The following CEP162 variants were observed in gnomAD, a reference collection of about 807,000 sequenced individuals.
CEP162 encodes the protein centrosomal protein of 162 kDa.
CEP162 carries 141 observed loss-of-function variants against 169.2 expected under a neutral mutation model. The ratio of observed to expected loss-of-function variants is 0.83; its 90% CI spans 0.73 to 0.96. The LOEUF (loss-of-function observed/expected upper bound fraction) is 0.96. Ranked by LOEUF, CEP162 falls within the 40% of genes least tolerant of loss-of-function variation. CEP162 has a pLI of 0.00. For missense variants in CEP162, 1,600 were observed against 1,587.2 expected (o/e 1.01, Z -0.14); for synonymous variants, 540 against 526.4 (o/e 1.03, Z -0.35).
At chr6:84,132,054 C>T (rs2099511768) in intron 25 of CEP162, among the ~76,000 whole-genome samples, 1 of 152,160 alleles carries the variant, frequency 6.6e-6, no homozygotes, top group South Asian at 2.1e-4. Flanking sequence ...CAAAATCTCT[C>T]AGCACTTGCT....
Position 84,169,317 on chromosome 6 carries a change from A to G in CEP162, c.2385+11T>C. The stretch of plus-strand genomic sequence containing the variant: ...ATTATCCCTAATAGTCAAAATCGTT[A>G]TGCAACTTACCTGTGCCATCCGTAG... On this transcript the variant is annotated intron_variant, in intron 18 of 26. Transcript: ENST00000403245. The G allele has an allele frequency of 6.8e-7, 1 of 1,465,546 alleles. No individual in the cohort carries two copies. The highest frequency in any genetic ancestry group is 9.3e-7 in the Non-Finnish European group (1 of 1,080,938). The allele number at this position is 1,465,546 out of a possible 1,614,324, so 90.8% of individuals were successfully genotyped here. A position where few individuals can be genotyped will look rare whatever the true frequency, so the allele number is the denominator to read the frequency against.
At chr6:84,187,490 A>G (rs2099537697) in intron 11 of CEP162, among the ~76,000 whole-genome samples, 1 of 152,214 alleles carries the variant, frequency 6.6e-6, no homozygotes, top group African/African-American at 2.4e-5. Flanking sequence ...TAGCAGCAGA[A>G]CCTGGCTAGA....
At chr6:84,151,057 T>C (rs959869657) in intron 23 of CEP162, among the ~76,000 whole-genome samples, 24 of 152,200 alleles carry the variant, frequency 1.6e-4, no homozygotes, top group African/African-American at 5.8e-4. Flanking sequence ...CGAAATGTTT[T>C]GTGAAGGTAG....
chr6:84,185,305 A>G lies in CEP162; in HGVS notation c.1545T>C (p.Tyr515=). 6.2e-7 allele frequency: 1 copy of G among 1,613,714 alleles called. No homozygotes were observed. The highest frequency in any genetic ancestry group is 8.5e-7 in the Non-Finnish European group (1 of 1,179,714). Residue 515 remains tyrosine, a synonymous_variant, in exon 13 of 27, where the codon TAT becomes TAC. Transcript: ENST00000403245. ...GLYASVRSSG[Y]GKPSSPLKMF... is the part of the protein sequence containing the mutation. ...TCTTGAGTGGTGAACTGGGTTTGCC[A>G]TAGCCTGAGCTCCTAACTGACGCAT... is the stretch of plus-strand genomic sequence containing the variant.
At chr6:84,154,847 T>C (rs2099522537) in intron 22 of CEP162, among the ~76,000 whole-genome samples, 1 of 152,194 alleles carries the variant, frequency 6.6e-6, no homozygotes, top group African/African-American at 2.4e-5. Flanking sequence ...CACAAAATAA[T>C]GGAAAACTCA....
At chr6:84,210,753 G>GT (rs2099549121) in intron 6 of CEP162, among the ~76,000 whole-genome samples, 1 of 152,174 alleles carries the variant, frequency 6.6e-6, no homozygotes, top group African/African-American at 2.4e-5. Context: ...AATTCTCACA[G>GT]TTCATACAAG....
chr6:84,154,088 AG>A (rs775654031), intron 22 of CEP162, among the ~76,000 whole-genome samples: 14 of 152,126 alleles, frequency 9.2e-5, no homozygotes, highest in Middle Eastern at 3.2e-3. Flanking sequence ...TGGTATATAC[AG>A]GGAATCAGAA....
chr6:84,146,726 G>A lies in CEP162; in HGVS notation c.3831C>T (p.Leu1277=), dbSNP rs115897385. 1.8e-3 allele frequency: 2,795 copies of A among 1,581,484 alleles called. 40 individuals carry two copies. In the African/African-American group the frequency reaches 0.033, roughly 19 times the overall value. ...TTTCTTCTCGAACTTCAGAAACTAC[G>A]AGAGACTCTTGTTTACTCTGCAGCT... is the stretch of plus-strand genomic sequence containing the variant. The part of the protein sequence containing the change: ...VNELQSKQES[L]VVSEVREEIL... The change falls in exon 25 of 27, where the codon CTC becomes CTT. Residue 1277 remains leucine, a synonymous_variant. Transcript: ENST00000403245.
intron 18 of CEP162, among the ~76,000 whole-genome samples, chr6:84,168,317 A>G (rs1054122946): frequency 5.9e-5 from 9 of 152,160 alleles, no homozygotes; most frequent in Non-Finnish European, 1.3e-4. Flanking sequence ...TCCTACATAC[A>G]CATGCAACCA....
intron 24 of CEP162, among the ~76,000 whole-genome samples, chr6:84,149,281 A>C (rs1288985827): frequency 6.6e-6 from 1 of 152,132 alleles, no homozygotes; most frequent in African/African-American, 2.4e-5. Context: ...ACAAATTTAG[A>C]GACTTATTTG....
rs189670575 is a variant in CEP162 at position 84,153,264 on chromosome 6, T to C, written c.2995-85A>G. On this transcript the variant is annotated intron_variant, in intron 22 of 26. Transcript: ENST00000403245. ...GCCCTGCACACTACTGGGTCCTACC[T>C]AATCCTTTATTCAGGTACTCATTAT... 3,565 of 1,230,118 alleles carry C rather than the reference T, an allele frequency of 2.9e-3. 8 individuals carry two copies. The highest frequency in any genetic ancestry group is 3.6e-3 in the Non-Finnish European group (3,203 of 898,462). 76.2% of individuals were successfully genotyped at this position (1,230,118 alleles called of 1,614,324 possible).
At chr6:84,204,167 T>A (rs2099545795) in intron 6 of CEP162, 71 bp from the exon 7 acceptor site, 1 of 885,886 alleles carries the variant, frequency 1.1e-6, no homozygotes, top group African/African-American at 1.7e-5. Flanking sequence ...AAAAGGCTGT[T>A]GATTTCGAAA....
At chr6:84,162,340 CTT>C (rs1177545547) in intron 19 of CEP162, among the ~76,000 whole-genome samples, 1 of 152,130 alleles carries the variant, frequency 6.6e-6, no homozygotes, top group Non-Finnish European at 1.5e-5. Flanking sequence ...CTACAACAAA[CTT>C]TTACAGTGGA....
chr6:84,175,908 C>T (rs996741970), intron 13 of CEP162, among the ~76,000 whole-genome samples: 11 of 151,844 alleles, frequency 7.2e-5, no homozygotes, highest in Non-Finnish European at 1.3e-4. Flanking sequence ...AAAAACTTGG[C>T]AATATATATT....
intron 18 of CEP162, 139 bp downstream of exon 18, chr6:84,169,189 C>T (rs1372693631): frequency 3.4e-6 from 2 of 582,860 alleles, no homozygotes; most frequent in African/African-American, 1.9e-5. Context: ...AGATATTTCT[C>T]CCTAAGTTTT....
intron 9 of CEP162, among the ~76,000 whole-genome samples, chr6:84,195,822 T>C (rs1029276898): frequency 6.6e-6 from 1 of 152,186 alleles, no homozygotes; most frequent in African/African-American, 2.4e-5. Flanking sequence ...CCTGGCTAAC[T>C]TCATGAAGAC....
At chr6:84,204,129 C>T (rs748907926) in intron 6 of CEP162, 33 bp from the exon 7 acceptor site, 1 of 1,329,840 alleles carries the variant, frequency 7.5e-7, no homozygotes, top group African/African-American at 1.5e-5. Context: ...GTACAAAGAC[C>T]ACATTGTTAA....
chr6:84,196,413 G>C (rs760400368), intron 9 of CEP162, among the ~76,000 whole-genome samples: 2 of 152,078 alleles, frequency 1.3e-5, no homozygotes, highest in African/African-American at 4.8e-5. Flanking sequence ...TTAGTCTTGG[G>C]TATGTCTTTA....
At chr6:84,136,811 GATAACTTT>G (rs1205016508) in intron 25 of CEP162, among the ~76,000 whole-genome samples, 1 of 152,216 alleles carries the variant, frequency 6.6e-6, no homozygotes, top group Non-Finnish European at 1.5e-5. Flanking sequence ...GCTATGTACA[GATAACTTT>G]TTTCTTCTGC....
Sources: gnomAD v4.1 joint callset for allele counts (sites outside exome capture counted in the v4.1 genomes callset) on GRCh38, gnomAD v4.1.1 for gene constraint, MANE v1.5 for transcripts, NCBI Gene and HGNC (gene_info 2026-07-23, HGNC 2026-07-21) for gene names.